The following FIG4 variants were observed in gnomAD, a reference collection of about 807,000 sequenced individuals.
FIG4 encodes the protein FIG4 phosphoinositide 5-phosphatase.
In FIG4, 112 loss-of-function variants were observed where a neutral mutation model predicts 118.6. The observed-to-expected ratio is 0.94, with a 90% CI of 0.81 to 1.11. FIG4 has a LOEUF of 1.11. Ranked by LOEUF, FIG4 falls within the 50% of genes least tolerant of loss-of-function variation. FIG4 has a pLI of 0.00. For missense variants in FIG4, 969 were observed against 1,111.7 expected (o/e 0.87, Z 1.83); for synonymous variants, 369 against 381.2 (o/e 0.97, Z 0.37).
At chr6:109,796,668 T>G in intron 21 of FIG4, 97 bp from the exon 22 acceptor site, 1 of 796,170 alleles carries the variant, frequency 1.3e-6, no homozygotes, top group Non-Finnish European at 2.3e-6. Flanking sequence ...ATAAGCATAC[T>G]ACTGAAATTT....
intron 1 of FIG4, among the ~76,000 whole-genome samples, chr6:109,713,045 G>A (rs915834115): frequency 5.9e-5 from 9 of 152,164 alleles, no homozygotes; most frequent in Non-Finnish European, 1.3e-4. Flanking sequence ...TCTAACTCTG[G>A]AATACTCGTA....
At chr6:109,758,202 A>G (rs974873063) in intron 10 of FIG4, among the ~76,000 whole-genome samples, 2 of 152,256 alleles carry the variant, frequency 1.3e-5, no homozygotes, top group African/African-American at 2.4e-5. Flanking sequence ...ACCTGACTTC[A>G]GACTATACTA....
Position 109,791,439 on chromosome 6 carries a change from C to T in FIG4, c.2244C>T (p.Pro748=). The T allele has an allele frequency of 6.2e-7, 1 of 1,613,782 alleles. No homozygotes were observed. Among genetic ancestry groups the T allele is most frequent in the South Asian group, 1.1e-5 (1 of 91,082 alleles). Residue 748 remains proline, a synonymous_variant, in exon 20 of 23, where the codon CCC becomes CCT. Coordinates refer to ENST00000230124, the MANE Select transcript of FIG4 (RefSeq NM_014845.6). ...AAACGGCAGCCAGCGCCCCGCCGCC[C>T]CCCAGCGAGGAGGCTGTGTCCAGCA... ...QRKTAASAPP[P]PSEEAVSSSS...
intron 5 of FIG4, 31 bp downstream of exon 5, chr6:109,732,718 A>T: frequency 7.5e-7 from 1 of 1,334,446 alleles, no homozygotes; most frequent in Admixed American, 1.7e-5. Flanking sequence ...GCTCCTATCA[A>T]TCACATAAAC....
chr6:109,743,326 T>C (rs1776383873), intron 9 of FIG4, 54 bp downstream of exon 9: 2 of 1,535,598 alleles, frequency 1.3e-6, no homozygotes, highest in Non-Finnish European at 9.0e-7. Context: ...TTAGAGATAA[T>C]GAACTGTTGT....
chr6:109,764,443 G>GAAAAAAAAAAAAAAAAAA (rs71018365), intron 13 of FIG4, among the ~76,000 whole-genome samples: 1 of 128,834 alleles, frequency 7.8e-6, no homozygotes, highest in Non-Finnish European at 1.7e-5. Context: ...GTCTCAGAAA[G>GAAAAAAAAAAAAAAAAAA]AAAAAAAAAA....
intron 18 of FIG4, among the ~76,000 whole-genome samples, chr6:109,787,477 T>C (rs1045635460): frequency 2.6e-5 from 4 of 152,214 alleles, no homozygotes; most frequent in African/African-American, 9.6e-5. Flanking sequence ...TATGAGACCT[T>C]TGTCATTTCT....
At chr6:109,720,911 G>T (rs1214134378) in intron 3 of FIG4, among the ~76,000 whole-genome samples, 1 of 152,180 alleles carries the variant, frequency 6.6e-6, no homozygotes. Flanking sequence ...ACCACTGGAT[G>T]GGATCGTGAG....
chr6:109,705,051 A>G (rs1001445230), intron 1 of FIG4, among the ~76,000 whole-genome samples: 1 of 152,140 alleles, frequency 6.6e-6, no homozygotes, highest in Non-Finnish European at 1.5e-5. Flanking sequence ...TGAAGGGTAT[A>G]TGGGTGTTCG....
intron 10 of FIG4, among the ~76,000 whole-genome samples, chr6:109,747,527 C>T (rs1776540114): frequency 6.6e-6 from 1 of 152,210 alleles, no homozygotes. Flanking sequence ...TTAGTGTTAG[C>T]ATCATGGAGG....
intron 2 of FIG4, among the ~76,000 whole-genome samples, chr6:109,716,195 C>A (rs1003413390): frequency 6.6e-6 from 1 of 152,172 alleles, no homozygotes; most frequent in Non-Finnish European, 1.5e-5. Context: ...TAAATCTCTG[C>A]ATCTCTGGTT....
intron 15 of FIG4, among the ~76,000 whole-genome samples, chr6:109,776,339 A>G (rs376768351): frequency 3.3e-5 from 5 of 152,216 alleles, no homozygotes; most frequent in Admixed American, 2.6e-4. Context: ...ATTTTCAACC[A>G]CAAAAGAGAA....
At chr6:109,797,145 T>C (rs1486513229) in intron 22 of FIG4, among the ~76,000 whole-genome samples, 1 of 152,208 alleles carries the variant, frequency 6.6e-6, no homozygotes, top group African/African-American at 2.4e-5. Context: ...GAAACAGCTC[T>C]GATCCTGGAG....
intron 1 of FIG4, among the ~76,000 whole-genome samples, chr6:109,697,279 AGG>A (rs1774758456): frequency 1.3e-5 from 2 of 150,476 alleles, no homozygotes; most frequent in South Asian, 4.2e-4. Context: ...AAAAAAAAAA[AGG>A]GAAAAATGTA....
chr6:109,699,683 C>T lies in FIG4; in HGVS notation c.66+8182C>T, dbSNP rs190189027. Among the ~76,000 whole-genome samples the T allele has an allele frequency of 5.1e-4, 77 of 151,774 alleles. 1 individual carries two copies. The highest frequency in any genetic ancestry group is 9.3e-4 in the Non-Finnish European group (63 of 67,888). The stretch of plus-strand genomic sequence containing the variant: ...ATGCCCAGCTAATTTTTTGAATTTT[C>T]GGTAGAGACAGGATTTCACCATGTT... On this transcript the variant is annotated intron_variant, in intron 1 of 22. Transcript: ENST00000230124.
intron 2 of FIG4, 121 bp downstream of exon 2, chr6:109,715,297 A>G: frequency 3.2e-6 from 2 of 626,042 alleles, no homozygotes; most frequent in Non-Finnish European, 5.6e-6. Context: ...AGTTTCCGTT[A>G]TTTTTCTTGG....
intron 8 of FIG4, among the ~76,000 whole-genome samples, chr6:109,742,819 T>G (rs980747303): frequency 4.6e-5 from 7 of 152,118 alleles, no homozygotes; most frequent in African/African-American, 1.7e-4. Flanking sequence ...TCTTTCCCTC[T>G]CTCCCATTTA....
chr6:109,715,358 A>G (rs1247559548), intron 2 of FIG4, among the ~76,000 whole-genome samples, 182 bp downstream of exon 2: 1 of 152,224 alleles, frequency 6.6e-6, no homozygotes. Context: ...ACTGGTGTCA[A>G]GAAGTACGCC....
chr6:109,753,989 G>A (rs1343003312), intron 10 of FIG4, among the ~76,000 whole-genome samples: 1 of 152,124 alleles, frequency 6.6e-6, no homozygotes, highest in African/African-American at 2.4e-5. Context: ...GAATAGGAGT[G>A]GTGAGAGAGG....
Sources: allele counts gnomAD v4.1 joint callset (sites outside exome capture counted in the v4.1 genomes callset), GRCh38; gene constraint gnomAD v4.1.1; transcripts MANE v1.5; gene names NCBI Gene and HGNC (gene_info 2026-07-23, HGNC 2026-07-21).